The following RSF1 variants were observed in gnomAD, a reference collection of about 807,000 sequenced individuals.
RSF1 encodes remodeling and spacing factor 1, also known as HBV pX-associated protein 8.
RSF1 carries 13 observed loss-of-function variants against 145.2 expected under a neutral mutation model. The observed-to-expected ratio is 0.09, with a 90% confidence interval of 0.06 to 0.14. The LOEUF (loss-of-function observed/expected upper bound fraction) is 0.14, where lower values mean the gene tolerates loss of function less well. RSF1 is among the 10% of genes least tolerant of loss of function. The pLI is 1.00. For synonymous variants in RSF1, 577 were observed against 592.6 expected (o/e 0.97, Z 0.38); for missense variants, 1,517 against 1,718.2 (o/e 0.88, Z 2.07).
the RSF1 span, among the ~76,000 whole-genome samples, chr11:77,858,402 C>CTGG: frequency 2.3e-3 from 332 of 146,242 alleles, 2 homozygotes; most frequent in African/African-American, 8.3e-3. Flanking sequence ...GTTGCCATTG[C>CTGG]CGGCTCGAAT....
chr11:77,830,860 G>A, the RSF1 span, among the ~76,000 whole-genome samples: 34 of 152,074 alleles, frequency 2.2e-4, no homozygotes, highest in Non-Finnish European at 3.7e-4. Flanking sequence ...GCACTTTATG[G>A]TTGGGCACAG....
chr11:77,828,589 T>C, the RSF1 span, among the ~76,000 whole-genome samples: 1 of 148,328 alleles, frequency 6.7e-6, no homozygotes, highest in South Asian at 2.1e-4. Flanking sequence ...AAGAATGGCG[T>C]GAACCCGGGA....
chr11:77,696,683 GCTTT>G (rs1371090184), intron 7 of RSF1, among the ~76,000 whole-genome samples: 4 of 152,156 alleles, frequency 2.6e-5, no homozygotes, highest in Non-Finnish European at 5.9e-5. Flanking sequence ...CACAAGTGAT[GCTTT>G]TTTTTCTTGA....
chr11:77,822,414 C>CAAAA (rs66463325), upstream of RSF1, among the ~76,000 whole-genome samples: 501 of 74,306 alleles, frequency 6.7e-3, 10 homozygotes, highest in African/African-American at 0.019. Context: ...GACTCCACCT[C>CAAAA]AAAAAAAAAA....
In RSF1 at chr11:77,664,092, G is replaced by T. The variant is rs752756142; in HGVS notation, c.*2825C>A. 6.6e-5 allele frequency: 10 copies of T among 152,042 alleles called. No individual in the cohort carries two copies. The highest frequency in any genetic ancestry group is 1.3e-4 in the Non-Finnish European group (9 of 68,004). The allele number at this position is 152,042 out of a possible 1,614,324, so 9.4% of individuals were successfully genotyped here. On this transcript the variant is annotated 3_prime_UTR_variant, in exon 16 of 16. Coordinates refer to ENST00000308488, the MANE Select transcript of RSF1 (RefSeq NM_016578.4). ...ATTGTCTTTGTATACAGAACATTTCGTTTTCTAAAATTTTTTAACTTCTTC... is the reference window on the plus strand; with the variant it reads ...ATTGTCTTTGTATACAGAACATTTCTTTTTCTAAAATTTTTTAACTTCTTC...
chr11:77,835,699 G>A, the RSF1 span, among the ~76,000 whole-genome samples: 4 of 152,066 alleles, frequency 2.6e-5, no homozygotes, highest in African/African-American at 4.8e-5. Flanking sequence ...TGGGCGGATC[G>A]CTTGAGATCA....
intron 11 of RSF1, among the ~76,000 whole-genome samples, chr11:77,683,402 G>A (rs1959917767): frequency 6.6e-6 from 1 of 151,258 alleles, no homozygotes; most frequent in Non-Finnish European, 1.5e-5. Context: ...GGATCACTCT[G>A]CTCTAAAATT....
intron 8 of RSF1, among the ~76,000 whole-genome samples, chr11:77,691,999 T>C (rs1011616721): frequency 2.6e-5 from 4 of 152,156 alleles, no homozygotes; most frequent in Non-Finnish European, 5.9e-5. Flanking sequence ...CAAGCGATTC[T>C]GGTGCCTCAG....
At chr11:77,719,288 T>C (rs979796677) in intron 5 of RSF1, among the ~76,000 whole-genome samples, 6 of 152,164 alleles carry the variant, frequency 3.9e-5, no homozygotes, top group African/African-American at 1.2e-4. Context: ...ACTTCAACAA[T>C]TAGCAACTCT....
At chr11:77,785,281 A>G (rs1347960463) in intron 1 of RSF1, among the ~76,000 whole-genome samples, 40 of 152,330 alleles carry the variant, frequency 2.6e-4, no homozygotes, top group Admixed American at 2.6e-3. Flanking sequence ...ATGTCCAGAG[A>G]GAATTCTCAA....
chr11:77,712,209 C>A (rs1279917976), intron 5 of RSF1, among the ~76,000 whole-genome samples: 1 of 152,148 alleles, frequency 6.6e-6, no homozygotes, highest in South Asian at 2.1e-4. Flanking sequence ...GGTGGTTCCC[C>A]CATACTGTTC....
chr11:77,730,049 TATTA>T lies in RSF1; in HGVS notation c.579-4354_579-4351del, dbSNP rs761433738. On this transcript the variant is annotated intron_variant, in intron 4 of 15. Transcript: ENST00000308488. ...AGCATTAATTATTCCAAGAGTTTTA[TATTA>T]ATTAGTTCATATAATTCCAATATAA... 4.6e-5 allele frequency among the ~76,000 whole-genome samples: 7 copies of T among 152,246 alleles called. No individual in the cohort carries two copies. The East Asian group carries it at 1.4e-3, about 29-fold the overall frequency.
At chr11:77,732,999 T>C (rs921374626) in intron 4 of RSF1, among the ~76,000 whole-genome samples, 3 of 152,222 alleles carry the variant, frequency 2.0e-5, no homozygotes, top group African/African-American at 7.2e-5. Flanking sequence ...AATAATTCAT[T>C]GTATGAGTAA....
chr11:77,733,442 T>A (rs1388483474), intron 4 of RSF1, among the ~76,000 whole-genome samples: 3 of 151,924 alleles, frequency 2.0e-5, no homozygotes, highest in African/African-American at 7.3e-5. Context: ...CTTTCTGTAG[T>A]CCCACTAAGA....
chr11:77,717,814 G>T (rs1457335106), intron 5 of RSF1: 1 of 152,134 alleles, frequency 6.6e-6, no homozygotes, highest in African/African-American at 2.4e-5. Flanking sequence ...AAGTTACAAA[G>T]AAATCATTAT....
At chr11:77,765,060 GATA>G (rs1375103423) in intron 1 of RSF1, among the ~76,000 whole-genome samples, 1 of 151,944 alleles carries the variant, frequency 6.6e-6, no homozygotes, top group East Asian at 1.9e-4. Flanking sequence ...TGGGGACAGG[GATA>G]CATGGGAACT....
the RSF1 span, among the ~76,000 whole-genome samples, chr11:77,845,218 C>G: frequency 6.6e-6 from 1 of 152,072 alleles, no homozygotes; most frequent in South Asian, 2.1e-4. Context: ...TCTTGTGACT[C>G]TCATTATGAA....
At chr11:77,749,466 G>A (rs1334205420) in intron 2 of RSF1, among the ~76,000 whole-genome samples, 1 of 152,102 alleles carries the variant, frequency 6.6e-6, no homozygotes, top group East Asian at 1.9e-4. Context: ...GCCAAGTATG[G>A]GGAAGCTCAT....
chr11:77,852,293 A>C, the RSF1 span, among the ~76,000 whole-genome samples: 1 of 151,856 alleles, frequency 6.6e-6, no homozygotes, highest in Admixed American at 6.6e-5. Flanking sequence ...ACTGAAATTA[A>C]TGATCATTTT....
Sources: gnomAD v4.1 joint callset for allele counts (sites outside exome capture counted in the v4.1 genomes callset) on GRCh38, gnomAD v4.1.1 for gene constraint, MANE v1.5 for transcripts, NCBI Gene and HGNC (gene_info 2026-07-23, HGNC 2026-07-21) for gene names.